Variants in NEDD4L observed in about 807,000 individuals in gnomAD.
The protein encoded by NEDD4L is NEDD4 like E3 ubiquitin protein ligase, also known as E3 ubiquitin-protein ligase NEDD4-like.
Under a neutral mutation model 148.9 loss-of-function variants are expected in NEDD4L, and 54 were observed. The observed-to-expected ratio is 0.36, with a 90% confidence interval of 0.29 to 0.45. The LOEUF (loss-of-function observed/expected upper bound fraction) is 0.45. NEDD4L is among the 20% of genes least tolerant of loss of function. The pLI, the probability that NEDD4L is intolerant of heterozygous loss-of-function variation, is 1.00. For synonymous variants in NEDD4L, 433 were observed against 440.7 expected (o/e 0.98, Z 0.22); for missense variants, 856 against 1,233.8 (o/e 0.69, Z 4.59).
At chr18:58,240,932 C>T (rs1227312484) in intron 2 of NEDD4L, among the ~76,000 whole-genome samples, 1 of 152,098 alleles carries the variant, frequency 6.6e-6, no homozygotes, top group East Asian at 1.9e-4. Context: ...GCCTCAGCTC[C>T]CCGAGTAGCT....
At chr18:58,080,208 G>A (rs926439530) in intron 1 of NEDD4L, among the ~76,000 whole-genome samples, 1 of 152,236 alleles carries the variant, frequency 6.6e-6, no homozygotes, top group Admixed American at 6.5e-5. Flanking sequence ...AAAGGTGTGA[G>A]CCACTGCACC....
intron 2 of NEDD4L, among the ~76,000 whole-genome samples, chr18:58,206,917 A>C (rs1019526595): frequency 6.6e-6 from 1 of 152,206 alleles, no homozygotes; most frequent in Non-Finnish European, 1.5e-5. Context: ...AGTGTGATGG[A>C]ATAAGGGACG....
intron 1 of NEDD4L, among the ~76,000 whole-genome samples, chr18:58,086,724 G>A (rs1392121547): frequency 6.6e-6 from 1 of 152,122 alleles, no homozygotes; most frequent in Non-Finnish European, 1.5e-5. Context: ...GAATAATCTT[G>A]AAATGATTAT....
chr18:58,164,070 A>G (rs476085), intron 1 of NEDD4L, among the ~76,000 whole-genome samples: 80,360 of 149,286 alleles, frequency 0.54, 22,086 homozygotes, highest in African/African-American at 0.62. Flanking sequence ...CTCAAAAACA[A>G]TGAAGGCAGG....
At chr18:58,201,891 T>C (rs904364459) in intron 2 of NEDD4L, among the ~76,000 whole-genome samples, 3 of 152,238 alleles carry the variant, frequency 2.0e-5, no homozygotes, top group African/African-American at 7.2e-5. Flanking sequence ...CTTGTCTTTT[T>C]ATAACTCTGT....
intron 5 of NEDD4L, among the ~76,000 whole-genome samples, chr18:58,274,266 G>A (rs1320993392): frequency 6.6e-6 from 1 of 152,240 alleles, no homozygotes; most frequent in Non-Finnish European, 1.5e-5. Flanking sequence ...GAGTTAGTAA[G>A]TGGCTGTCGT....
intron 1 of NEDD4L, among the ~76,000 whole-genome samples, chr18:58,103,994 G>A (rs150107780): frequency 8.7e-4 from 133 of 152,280 alleles, no homozygotes; most frequent in African/African-American, 3.1e-3. Flanking sequence ...TCAAACTTAC[G>A]GCTCCTAGCA....
At chr18:58,350,584 A>G (rs1276965229) in intron 17 of NEDD4L, among the ~76,000 whole-genome samples, 1 of 152,224 alleles carries the variant, frequency 6.6e-6, no homozygotes, top group Non-Finnish European at 1.5e-5. Flanking sequence ...TAGATCATCA[A>G]CTGCCTGGAC....
At chr18:58,079,005 G>T (rs1339829726) in intron 1 of NEDD4L, among the ~76,000 whole-genome samples, 1 of 152,172 alleles carries the variant, frequency 6.6e-6, no homozygotes, top group Non-Finnish European at 1.5e-5. Flanking sequence ...GGAGCTGTGT[G>T]GATAAAATGT....
At chr18:58,248,712 C>CTTTCATAAATGCTTCATGCTATGAAGCA (rs2148463303) in intron 3 of NEDD4L, among the ~76,000 whole-genome samples, 187 bp from the exon 4 acceptor site, 1 of 152,266 alleles carries the variant, frequency 6.6e-6, no homozygotes, top group Non-Finnish European at 1.5e-5. Flanking sequence ...TATGAAGCAT[C>CTTTCATAAATGCTTCATGCTATGAAGCA]TGTTTCATAA....
intron 2 of NEDD4L, chr18:58,195,356 C>T: frequency 8.9e-7 from 1 of 1,128,092 alleles, no homozygotes; most frequent in Non-Finnish European, 1.1e-6. Context: ...GAAGTTCCTC[C>T]TATAGTCATT....
intron 1 of NEDD4L, among the ~76,000 whole-genome samples, chr18:58,058,460 G>A (rs1311210235): frequency 2.6e-5 from 4 of 152,178 alleles, no homozygotes; most frequent in African/African-American, 9.7e-5. Flanking sequence ...TGCCTTACTC[G>A]TGAACCAGTA....
intron 1 of NEDD4L, among the ~76,000 whole-genome samples, chr18:58,144,957 T>A (rs538139172): frequency 5.7e-4 from 87 of 151,946 alleles, no homozygotes; most frequent in African/African-American, 2.0e-3. Flanking sequence ...TCCACAGGTG[T>A]GGAGGATGAA....
chr18:58,168,032 A>G (rs2037089525), intron 2 of NEDD4L, among the ~76,000 whole-genome samples: 1 of 152,194 alleles, frequency 6.6e-6, no homozygotes, highest in Admixed American at 6.5e-5. Flanking sequence ...CGTACCTTGA[A>G]TTTTTACTGT....
intron 5 of NEDD4L, among the ~76,000 whole-genome samples, chr18:58,280,641 A>G (rs1339980780): frequency 1.3e-5 from 2 of 152,214 alleles, no homozygotes; most frequent in South Asian, 4.1e-4. Context: ...GCACAGCCAC[A>G]GAGAGAAGAT....
intron 1 of NEDD4L, among the ~76,000 whole-genome samples, chr18:58,154,604 G>A (rs1201847160): frequency 6.6e-6 from 1 of 152,118 alleles, no homozygotes; most frequent in African/African-American, 2.4e-5. Context: ...TGGGCAACAT[G>A]GCAAAACCCC....
At chr18:58,215,737 A>G (rs1460944944) in intron 2 of NEDD4L, among the ~76,000 whole-genome samples, 1 of 152,206 alleles carries the variant, frequency 6.6e-6, no homozygotes, top group Non-Finnish European at 1.5e-5. Context: ...AAACAGAAAA[A>G]ACAACAGAAA....
chr18:58,216,367 GGTTGTAGTAA>G (rs2147838348), intron 2 of NEDD4L, among the ~76,000 whole-genome samples: 1 of 152,284 alleles, frequency 6.6e-6, no homozygotes, highest in East Asian at 1.9e-4. Flanking sequence ...TCCTGCTTAA[GGTTGTAGTAA>G]GTCAGCCTGG....
intron 1 of NEDD4L, among the ~76,000 whole-genome samples, chr18:58,081,398 G>A (rs1484518608): frequency 6.6e-6 from 1 of 151,754 alleles, no homozygotes; most frequent in Non-Finnish European, 1.5e-5. Flanking sequence ...TATATTTTTA[G>A]TAGAGACGGG....
Sources: allele counts gnomAD v4.1 joint callset (sites outside exome capture counted in the v4.1 genomes callset), GRCh38; gene constraint gnomAD v4.1.1; transcripts MANE v1.5; gene names NCBI Gene and HGNC (gene_info 2026-07-23, HGNC 2026-07-21).